Variants in CATSPERG observed in about 807,000 individuals in gnomAD.
CATSPERG encodes the protein catsper channel auxiliary subunit gamma.
Under a neutral mutation model 145.0 loss-of-function variants are expected in CATSPERG, and 115 were observed. The ratio of observed to expected loss-of-function variants is 0.79; its 90% CI spans 0.68 to 0.93. CATSPERG has a LOEUF of 0.93. Among genes scored for constraint, CATSPERG ranks in the 40% least tolerant of loss-of-function variants. The pLI is 0.00. For missense variants in CATSPERG, 1,296 were observed against 1,490.1 expected (o/e 0.87, Z 2.14); for synonymous variants, 588 against 589.0 (o/e 1.00, Z 0.02).
At chr19:38,347,775 T>C (rs551751155) in intron 7 of CATSPERG, among the ~76,000 whole-genome samples, 1 of 152,108 alleles carries the variant, frequency 6.6e-6, no homozygotes, top group Non-Finnish European at 1.5e-5. Flanking sequence ...ACCCTGTCTC[T>C]ACTAGAAGTA....
chr19:38,367,954 C>T (rs1168472310), intron 25 of CATSPERG, 94 bp from the exon 26 acceptor site: 2 of 1,254,680 alleles, frequency 1.6e-6, no homozygotes, highest in Admixed American at 1.7e-5. Flanking sequence ...GTCCCCTGCA[C>T]CCACCTGTGG....
chr19:38,361,986 G>A, intron 17 of CATSPERG, 125 bp downstream of exon 17: 2 of 767,266 alleles, frequency 2.6e-6, no homozygotes, highest in Non-Finnish European at 4.2e-6. Context: ...TGGTGGGTGG[G>A]CGGGGGACCT....
In CATSPERG at chr19:38,354,866, G is replaced by A. The variant is rs753439167; in HGVS notation, c.1135+19G>A. On this transcript the variant is annotated intron_variant, in intron 9 of 28. Transcript: ENST00000409235. ...ATCAGAGGTAAGGGTGTGGGCCTCT[G>A]TCAGCCCCAGGGACCCCTCCATACC... is the stretch of plus-strand genomic sequence containing the variant. 6 of 1,611,892 alleles carry A rather than the reference G, an allele frequency of 3.7e-6. No homozygotes were observed. The African/African-American group carries it at 8.0e-5, about 22-fold the overall frequency.
chr19:38,337,018 C>T (rs1969850704), intron 1 of CATSPERG: 1 of 622,294 alleles, frequency 1.6e-6, no homozygotes, highest in South Asian at 2.0e-5. Flanking sequence ...AGAGCAGAGG[C>T]GGGGCTAAAA....
Position 38,337,327 on chromosome 19 carries a change from G to GA in CATSPERG, c.93_94insA (p.Ser32IlefsTer23). 6.4e-7 allele frequency: 1 copy of GA among 1,551,562 alleles called. No individual in the cohort carries two copies. Among genetic ancestry groups the GA allele is most frequent in the Non-Finnish European group, 8.7e-7 (1 of 1,147,006 alleles). On this transcript the variant is annotated frameshift_variant, in exon 2 of 29. Coordinates refer to ENST00000409235, the MANE Select transcript of CATSPERG (RefSeq NM_021185.5). LOFTEE classifies it high-confidence loss of function. ...GGGCCCTGCTGGCAGTGCTCCTGGC[G>GA]TCGTGGAGGCTGTGGGCGATCAAGG... is the stretch of plus-strand genomic sequence containing the variant.
At chr19:38,368,167 C>T in intron 26 of CATSPERG, 30 bp downstream of exon 26, 1 of 1,597,570 alleles carries the variant, frequency 6.3e-7, no homozygotes, top group Non-Finnish European at 8.6e-7. Flanking sequence ...CCTCTTGGCC[C>T]CCATCTGTCG....
intron 26 of CATSPERG, 62 bp from the exon 27 acceptor site, chr19:38,369,910 A>G: frequency 6.6e-7 from 1 of 1,510,966 alleles, no homozygotes; most frequent in Non-Finnish European, 9.2e-7. Context: ...GGAGGAAGAA[A>G]TTGGGAGTTG....
rs1418127129 is a variant in CATSPERG, at chr19:38,354,780, C to T, written c.1068C>T (p.Gly356=). The stretch of plus-strand genomic sequence containing the variant: ...GCCCTGTGTATTTCCATAGCAATGG[C>T]TCTGAGTACATAATGGCCCTCACCA... The part of the protein sequence containing the change: ...KLCPVYFHSN[G]SEYIMALTTG... The change falls in exon 9 of 29, where the codon GGC becomes GGT. Residue 356 remains glycine, a synonymous_variant. Transcript: ENST00000409235. 1.2e-6 allele frequency: 2 copies of T among 1,614,052 alleles called. No homozygotes were observed. The highest frequency in any genetic ancestry group is 1.7e-5 in the Admixed American group (1 of 59,920).
chr19:38,354,241 G>A (rs563299756), intron 8 of CATSPERG, among the ~76,000 whole-genome samples: 83 of 152,260 alleles, frequency 5.5e-4, no homozygotes, highest in Middle Eastern at 3.4e-3. Flanking sequence ...ATTGGCTTCC[G>A]TGGCTGAAAA....
chr19:38,363,429 G>T (rs1041502424), intron 20 of CATSPERG, among the ~76,000 whole-genome samples: 2 of 151,602 alleles, frequency 1.3e-5, no homozygotes, highest in Non-Finnish European at 2.9e-5. Context: ...CTCATGCCTC[G>T]GCGTGAGGTG....
chr19:38,344,707 T>TACATACCTGTACATACATATAC (rs1969998981), intron 6 of CATSPERG, among the ~76,000 whole-genome samples: 1 of 146,160 alleles, frequency 6.8e-6, no homozygotes. Context: ...CATACATATA[T>TACATACCTGTACATACATATAC]AGTACATACC....
At chr19:38,336,121 A>C in intron 1 of CATSPERG, 1 of 449,206 alleles carries the variant, frequency 2.2e-6, no homozygotes, top group South Asian at 1.6e-5. Flanking sequence ...GTCGGGGTAT[A>C]GAGCAGGCAG....
rs1168278259 is a variant in CATSPERG at position 38,354,706 on chromosome 19, C to A, written c.998-4C>A. 3.1e-6 allele frequency: 5 copies of A among 1,613,708 alleles called. No homozygotes were observed. Among genetic ancestry groups the A allele is most frequent in the Non-Finnish European group, 3.4e-6 (4 of 1,179,776 alleles). ...GGTCTGAGGCCCCATACTGACTTCACTAGGCAGTTGGATTCGTGTCCTGGC... is the reference window on the plus strand; with the variant it reads ...GGTCTGAGGCCCCATACTGACTTCAATAGGCAGTTGGATTCGTGTCCTGGC... On this transcript the variant is annotated splice_polypyrimidine_tract_variant and splice_region_variant and intron_variant, in intron 8 of 28. Coordinates refer to ENST00000409235, the MANE Select transcript of CATSPERG (RefSeq NM_021185.5).
At chr19:38,359,309 T>C (rs970027189) in intron 13 of CATSPERG, among the ~76,000 whole-genome samples, 161 bp from the exon 14 acceptor site, 1 of 148,754 alleles carries the variant, frequency 6.7e-6, no homozygotes, top group African/African-American at 2.5e-5. Context: ...AGCTGAAGAT[T>C]CTCAAAGGGT....
chr19:38,356,354 C>T (rs1325757311), intron 9 of CATSPERG, 130 bp from the exon 10 acceptor site: 6 of 744,384 alleles, frequency 8.1e-6, no homozygotes, highest in South Asian at 3.3e-5. Flanking sequence ...GTGTGAGTGA[C>T]GAAAGGCCAG....
At chr19:38,336,815 A>G (rs1969845539) in intron 1 of CATSPERG, among the ~76,000 whole-genome samples, 1 of 152,042 alleles carries the variant, frequency 6.6e-6, no homozygotes, top group Admixed American at 6.6e-5. Context: ...CAAGGTGAGG[A>G]TAAAGTTAAA....
intron 6 of CATSPERG, among the ~76,000 whole-genome samples, chr19:38,345,507 A>ATT (rs371421306): frequency 5.4e-5 from 7 of 130,252 alleles, no homozygotes; most frequent in African/African-American, 5.7e-5. Flanking sequence ...CCCATATTCA[A>ATT]TTTTTTTTTT....
At chr19:38,337,980 G>C (rs1450637606) in intron 3 of CATSPERG, 1 of 245,928 alleles carries the variant, frequency 4.1e-6, no homozygotes, top group Non-Finnish European at 8.0e-6. Context: ...GACTCCCAAA[G>C]TGCTGGGATT....
chr19:38,357,906 C>T (rs1338310433), intron 11 of CATSPERG, among the ~76,000 whole-genome samples: 1 of 151,824 alleles, frequency 6.6e-6, no homozygotes, highest in Non-Finnish European at 1.5e-5. Flanking sequence ...GAGCTGAGAT[C>T]ATGCCATTGC....
Sources: allele counts gnomAD v4.1 joint callset (sites outside exome capture counted in the v4.1 genomes callset), GRCh38; gene constraint gnomAD v4.1.1; transcripts MANE v1.5; gene names NCBI Gene and HGNC (gene_info 2026-07-23, HGNC 2026-07-21).